The following FRMD4B variants were observed in gnomAD, a reference collection of about 807,000 sequenced individuals.
The protein encoded by FRMD4B is FERM domain containing 4B.
A neutral mutation model predicts 141.5 loss-of-function variants in FRMD4B; 74 were observed. The ratio of observed to expected loss-of-function variants is 0.52; its 90% CI spans 0.43 to 0.63. The LOEUF (loss-of-function observed/expected upper bound fraction) is 0.63, where lower values mean the gene tolerates loss of function less well. FRMD4B is among the 30% of genes least tolerant of loss of function. FRMD4B has a pLI of 0.00. For synonymous variants in FRMD4B, 506 were observed against 467.9 expected (o/e 1.08, Z -1.05); for missense variants, 1,366 against 1,253.4 (o/e 1.09, Z -1.36).
chr3:69,233,029 G>C (rs1248222299), intron 7 of FRMD4B, among the ~76,000 whole-genome samples: 1 of 150,796 alleles, frequency 6.6e-6, no homozygotes, highest in Non-Finnish European at 1.5e-5. Context: ...TGGGATTACA[G>C]GCATGAACCA....
intron 8 of FRMD4B, 68 bp downstream of exon 8, chr3:69,224,539 C>A: frequency 1.3e-6 from 1 of 751,018 alleles, no homozygotes; most frequent in East Asian, 2.6e-5. Flanking sequence ...CTTTTAATGC[C>A]CTGAAAAGCA....
rs781546429 is a variant in FRMD4B, at chr3:69,385,837, G to T, written c.153C>A (p.Asp51Glu). Residue 51 changes from aspartate to glutamate, a missense_variant, in exon 1 of 23, where the codon GAC becomes GAA. Coordinates refer to ENST00000398540, the MANE Select transcript of FRMD4B (RefSeq NM_015123.3). ...QVLRTWCGLQ[D>E]VYQMTEGRHC... ...GCGCGCTCCAGCTCACCTGGTACAC[G>T]TCCTGCAGCCCGCACCACGTCCGCA... The T allele has an allele frequency of 6.3e-7, 1 of 1,583,120 alleles. No homozygotes were observed. Among genetic ancestry groups the T allele is most frequent in the Non-Finnish European group, 8.6e-7 (1 of 1,164,976 alleles).
At chr3:69,329,807 G>C (rs1702308174) in intron 1 of FRMD4B, among the ~76,000 whole-genome samples, 1 of 151,802 alleles carries the variant, frequency 6.6e-6, no homozygotes, top group African/African-American at 2.4e-5. Context: ...GCCGGGATTT[G>C]TTATAATTTA....
chr3:69,250,085 T>A lies in FRMD4B; in HGVS notation c.516A>T (p.Val172=). The change falls in exon 6 of 23, where the codon GTA becomes GTT. Residue 172 remains valine (V), a synonymous_variant. Transcript: ENST00000398540. ...KACVHKGQIE[V]ESETIFKLAA... ...CTAACTTGAAGATGGTTTCGCTCTC[T>A]ACTTCGATTTGCCCCTGTTGATGGA... is the stretch of plus-strand genomic sequence containing the variant. The A allele has an allele frequency of 6.2e-7, 1 of 1,609,274 alleles. No individual in the cohort carries two copies. The highest frequency in any genetic ancestry group is 8.5e-7 in the Non-Finnish European group (1 of 1,175,566).
intron 1 of FRMD4B, among the ~76,000 whole-genome samples, chr3:69,480,852 G>C (rs1000249245): frequency 6.6e-6 from 1 of 152,228 alleles, no homozygotes; most frequent in African/African-American, 2.4e-5. Context: ...TTGAGCTGTG[G>C]TGGGCTCCAC....
At chr3:69,270,103 A>T (rs2093587451) in intron 5 of FRMD4B, among the ~76,000 whole-genome samples, 1 of 152,016 alleles carries the variant, frequency 6.6e-6, no homozygotes. Context: ...TGCAGCCTCA[A>T]CCTGCAGGCT....
chr3:69,293,656 A>G (rs1355004235), intron 4 of FRMD4B, among the ~76,000 whole-genome samples: 2 of 152,024 alleles, frequency 1.3e-5, no homozygotes, highest in African/African-American at 2.4e-5. Flanking sequence ...CAAGGCAGGC[A>G]GATCACTTGA....
At chr3:69,236,397 T>G (rs2093346094) in intron 7 of FRMD4B, among the ~76,000 whole-genome samples, 2 of 151,868 alleles carry the variant, frequency 1.3e-5, no homozygotes, top group Non-Finnish European at 2.9e-5. Context: ...CCCGGGTAAT[T>G]TTTATATGTT....
intron 2 of FRMD4B, among the ~76,000 whole-genome samples, chr3:69,422,254 G>C (rs577754593): frequency 3.3e-5 from 5 of 152,008 alleles, no homozygotes; most frequent in Admixed American, 6.6e-5. Context: ...TTAGCTGGGC[G>C]TGGTGGCATG....
intron 11 of FRMD4B, chr3:69,200,418 C>T: frequency 1.0e-6 from 1 of 998,234 alleles, no homozygotes; most frequent in South Asian, 4.4e-5. Context: ...TTCTTTAAAT[C>T]CAGAGGTTCC....
chr3:69,334,345 T>C (rs964324746), intron 1 of FRMD4B: 4 of 148,636 alleles, frequency 2.7e-5, no homozygotes, highest in African/African-American at 7.7e-5. Flanking sequence ...AATAAAATGG[T>C]GGGGAGGCCA....
chr3:69,310,535 G>A (rs1373463789), intron 3 of FRMD4B: 1 of 429,552 alleles, frequency 2.3e-6, no homozygotes, highest in East Asian at 7.5e-5. Context: ...AAAAAAGACA[G>A]ACAGATACAC....
intron 1 of FRMD4B, among the ~76,000 whole-genome samples, chr3:69,509,995 A>T (rs1266060086): frequency 6.6e-6 from 1 of 151,666 alleles, no homozygotes; most frequent in East Asian, 2.0e-4. Flanking sequence ...AAATCAAAAA[A>T]TCATGTGACG....
intron 5 of FRMD4B, among the ~76,000 whole-genome samples, chr3:69,255,695 A>G (rs1050105254): frequency 1.3e-5 from 2 of 152,184 alleles, no homozygotes; most frequent in African/African-American, 4.8e-5. Context: ...TCTAGTAGAA[A>G]CACATCATCA....
chr3:69,375,761 A>G (rs1703956685), intron 1 of FRMD4B, among the ~76,000 whole-genome samples: 6 of 152,230 alleles, frequency 3.9e-5, no homozygotes, highest in Admixed American at 3.9e-4. Flanking sequence ...ACCTATTATA[A>G]TAAGTACATA....
At chr3:69,214,884 T>A (rs1162308520) in intron 11 of FRMD4B, among the ~76,000 whole-genome samples, 1 of 264 alleles carries the variant, frequency 3.8e-3, no homozygotes, top group African/African-American at 4.1e-3. Context: ...TAATAATGAA[T>A]TTTTTTTTTT....
At chr3:69,425,023 T>G (rs1411730069) in intron 2 of FRMD4B, among the ~76,000 whole-genome samples, 1 of 152,232 alleles carries the variant, frequency 6.6e-6, no homozygotes, top group Non-Finnish European at 1.5e-5. Flanking sequence ...CTTACTTCTC[T>G]GCAGCCAGAC....
At chr3:69,475,891 T>C (rs1262232377) in intron 1 of FRMD4B, among the ~76,000 whole-genome samples, 1 of 151,784 alleles carries the variant, frequency 6.6e-6, no homozygotes, top group African/African-American at 2.4e-5. Flanking sequence ...TTTTAATGAT[T>C]GCCATTCTAA....
chr3:69,343,577 G>GTTTTTGTTTTTTTTTTTTT (rs775904583), intron 1 of FRMD4B, among the ~76,000 whole-genome samples: 9 of 126,504 alleles, frequency 7.1e-5, no homozygotes, highest in African/African-American at 2.4e-4. Flanking sequence ...ACAGTTTTTT[G>GTTTTTGTTTTTTTTTTTTT]TTTTTTTTTT....
Sources: gnomAD v4.1 joint callset for allele counts (sites outside exome capture counted in the v4.1 genomes callset) on GRCh38, gnomAD v4.1.1 for gene constraint, MANE v1.5 for transcripts, NCBI Gene and HGNC (gene_info 2026-07-23, HGNC 2026-07-21) for gene names.